NOS1: variants seen among roughly 807,000 people sequenced by gnomAD.
NOS1 encodes NOS type I.
Under a neutral mutation model 164.5 loss-of-function variants are expected in NOS1, and 51 were observed. That is an observed-to-expected ratio of 0.31 (90% confidence interval 0.25 to 0.39). The LOEUF (loss-of-function observed/expected upper bound fraction) is 0.39, where lower values mean the gene tolerates loss of function less well. Ranked by LOEUF, NOS1 falls within the 10% of genes least tolerant of loss-of-function variation. The pLI is 1.00. For missense variants in NOS1, 1,362 were observed against 1,885.6 expected (o/e 0.72, Z 5.14); for synonymous variants, 719 against 745.8 (o/e 0.96, Z 0.59).
chr12:117,336,109 C>T (rs1227468760), intron 1 of NOS1, among the ~76,000 whole-genome samples: 1 of 152,172 alleles, frequency 6.6e-6, no homozygotes, highest in African/African-American at 2.4e-5. Flanking sequence ...AGTGGTCAAT[C>T]ACAGTCCTGA....
intron 25 of NOS1, 92 bp downstream of exon 25, chr12:117,224,924 A>T (rs917218703): frequency 6.5e-7 from 1 of 1,536,800 alleles, no homozygotes; most frequent in Non-Finnish European, 9.0e-7. Context: ...CCGTGGAGAG[A>T]CACCTTCACT....
At chr12:117,326,349 G>A (rs1027153779) in intron 2 of NOS1, among the ~76,000 whole-genome samples, 10 of 148,418 alleles carry the variant, frequency 6.7e-5, no homozygotes, top group Non-Finnish European at 1.3e-4. Context: ...TCATACCACT[G>A]CACTCCAGCA....
Position 117,234,646 on chromosome 12 carries a change from G to A in NOS1, c.3154C>T (p.Leu1052=). 1 of 1,614,190 alleles carries A rather than the reference G, an allele frequency of 6.2e-7. No individual in the cohort carries two copies. Among genetic ancestry groups the A allele is most frequent in the Non-Finnish European group, 8.5e-7 (1 of 1,180,028 alleles). The stretch of plus-strand genomic sequence containing the variant: ...GGCGCGTCCTCCAGCCGCTCGATCA[G>A]GGCATTCACGAGGTCCTCGTGGTTG... ...PGNHEDLVNA[L]IERLEDAPPV... Residue 1052 remains leucine (L), a synonymous_variant, in exon 21 of 29, where the codon CTG becomes TTG. Coordinates refer to ENST00000317775, the MANE Select transcript of NOS1 (RefSeq NM_000620.5). The surrounding 1 kb of genome is among the most constrained non-coding windows in gnomAD (Gnocchi z 4.3).
At chr12:117,332,323 G>T (rs539884326) in intron 1 of NOS1, among the ~76,000 whole-genome samples, 1 of 152,290 alleles carries the variant, frequency 6.6e-6, no homozygotes, top group Non-Finnish European at 1.5e-5. Flanking sequence ...AAGAGGAAAG[G>T]GAAGCTTGGG....
chr12:117,360,934 G>A (rs1877113219), intron 1 of NOS1, among the ~76,000 whole-genome samples: 1 of 152,120 alleles, frequency 6.6e-6, no homozygotes, highest in East Asian at 1.9e-4. Flanking sequence ...TGCAAAGTTG[G>A]AGCCTGGGCG....
Position 117,244,766 on chromosome 12 carries a change from GA to G in NOS1, c.2824-1332del, listed in dbSNP as rs1870488393. On this transcript the variant is annotated intron_variant, in intron 18 of 28. Coordinates refer to ENST00000317775, the MANE Select transcript of NOS1 (RefSeq NM_000620.5). ...ACATGCTATGACACGGATGAACCTT[GA>G]AAACATTATACTAAGTGAAAGAAGT... Among the ~76,000 whole-genome samples, 3 of 152,164 alleles carry G rather than the reference GA, an allele frequency of 2.0e-5. No homozygotes were observed. In the South Asian group the frequency reaches 6.2e-4, roughly 32 times the overall value.
chr12:117,263,916 C>G lies in NOS1; in HGVS notation c.2195G>C (p.Arg732Pro). 1 of 1,613,918 alleles carries G rather than the reference C, an allele frequency of 6.2e-7. No individual in the cohort carries two copies. ...TGCTAGCTTCTTGAAGCCAATGGCT[C>G]GCCGCTTTGTGGGGGTCCCGTTGGT... The part of the protein sequence containing the change: ...KGTNGTPTKR[R>P]AIGFKKLAEA... The change falls in exon 13 of 29, where the codon CGA becomes CCA. Residue 732 changes from arginine to proline, a missense_variant. Physicochemically the swap from Arg to Pro is moderately radical, Grantham distance 103. This residue lies in a region of NOS1 where 737 missense variants were observed against 1,030.3 expected (regional missense o/e 0.72). Coordinates refer to ENST00000317775, the MANE Select transcript of NOS1 (RefSeq NM_000620.5).
chr12:117,264,154 G>GT (rs1486794848), intron 12 of NOS1, among the ~76,000 whole-genome samples, 180 bp from the exon 13 acceptor site: 3 of 151,484 alleles, frequency 2.0e-5, no homozygotes, highest in Non-Finnish European at 4.4e-5. Flanking sequence ...GGAGGGGGGG[G>GT]GTCCTTGCCC....
intron 1 of NOS1, among the ~76,000 whole-genome samples, chr12:117,349,949 T>C (rs563951847): frequency 6.6e-6 from 1 of 152,186 alleles, no homozygotes; most frequent in South Asian, 2.1e-4. Context: ...GGTCTTGAAC[T>C]CCTGAGCTCA....
intron 1 of NOS1, among the ~76,000 whole-genome samples, chr12:117,355,162 T>G (rs1360448359): frequency 1.3e-5 from 2 of 152,084 alleles, no homozygotes; most frequent in African/African-American, 4.8e-5. Flanking sequence ...CCAAAGCATC[T>G]TGGATGGTCA....
chr12:117,301,645 T>G (rs12810591), intron 3 of NOS1, among the ~76,000 whole-genome samples: 11 of 152,072 alleles, frequency 7.2e-5, no homozygotes, highest in African/African-American at 2.2e-4. Context: ...CTCTTTCCAC[T>G]CAAGGCCCTC....
rs11068436 is a variant in NOS1 at position 117,295,482 on chromosome 12, G to A, written c.853-5056C>T. Reference sequence around the variant, plus strand: ...AGTCCAAGGCCATGTGGCCCACAAAGCCAAAAATATTTATCTTGTCCTTTA... The same window carrying A: ...AGTCCAAGGCCATGTGGCCCACAAAACCAAAAATATTTATCTTGTCCTTTA... On this transcript the variant is annotated intron_variant, in intron 3 of 28. Transcript: ENST00000317775. 4.0e-3 allele frequency among the ~76,000 whole-genome samples: 606 copies of A among 152,212 alleles called. 3 individuals are homozygous for A. Among genetic ancestry groups the A allele is most frequent in the African/African-American group, 0.014 (568 of 41,536 alleles).
chr12:117,320,810 T>C (rs761212012), intron 2 of NOS1, among the ~76,000 whole-genome samples: 35 of 152,194 alleles, frequency 2.3e-4, no homozygotes, highest in Non-Finnish European at 4.9e-4. Context: ...TTGCTCCTGC[T>C]GTGTCTTCTG....
chr12:117,256,594 G>A (rs537218732), intron 16 of NOS1, among the ~76,000 whole-genome samples: 14 of 151,830 alleles, frequency 9.2e-5, no homozygotes, highest in African/African-American at 3.4e-4. Flanking sequence ...GGGATTTTCT[G>A]CTTAACACAG....
Position 117,242,628 on chromosome 12 carries a change from T to C in NOS1, c.3040A>G (p.Ser1014Gly). Residue 1014 changes from serine (S) to glycine (G), a missense_variant and splice_region_variant, in exon 20 of 29, where the codon AGT becomes GGT. Ser to Gly is a moderately conservative substitution (Grantham distance 56, BLOSUM62 0). Around this residue, in one of 4 missense-constraint regions of NOS1, gnomAD observed 737 missense variants for 1,030.3 expected, o/e 0.72. Coordinates refer to ENST00000317775, the MANE Select transcript of NOS1 (RefSeq NM_000620.5). ...CCCAGTGAACCAAGATGTTCCTACC[T>C]GGATTTAGGGCTCTGGAGGTTTTGA... ...SRQNLQSPKS[S>G]RSTIFVRLHT... 1 of 1,613,950 alleles carries C rather than the reference T, an allele frequency of 6.2e-7. No homozygotes were observed. Among genetic ancestry groups the C allele is most frequent in the Non-Finnish European group, 8.5e-7 (1 of 1,179,796 alleles).
intron 2 of NOS1, among the ~76,000 whole-genome samples, chr12:117,323,759 C>T (rs922135327): frequency 6.6e-6 from 1 of 152,040 alleles, no homozygotes; most frequent in African/African-American, 2.4e-5. Context: ...ATTCTCTTGC[C>T]TAGTGTCCCT....
At chr12:117,349,804 G>T (rs1391093901) in intron 1 of NOS1, among the ~76,000 whole-genome samples, 1 of 152,196 alleles carries the variant, frequency 6.6e-6, no homozygotes. Context: ...GCTAACTGCA[G>T]TCTCGAACTC....
intron 3 of NOS1, among the ~76,000 whole-genome samples, chr12:117,299,821 G>A (rs1312165423): frequency 6.6e-6 from 1 of 151,968 alleles, no homozygotes; most frequent in Non-Finnish European, 1.5e-5. Flanking sequence ...GGGGCATCAA[G>A]GCTGAACTTT....
intron 3 of NOS1, among the ~76,000 whole-genome samples, chr12:117,306,783 C>G (rs1874171267): frequency 6.6e-6 from 1 of 152,124 alleles, no homozygotes; most frequent in African/African-American, 2.4e-5. Flanking sequence ...TCATGCCCGG[C>G]TAATTTTTGT....
Sources: gnomAD v4.1 joint callset for allele counts (sites outside exome capture counted in the v4.1 genomes callset) on GRCh38, gnomAD v4.1.1 for gene constraint, gnomAD v4.1.1 regional missense constraint, Gnocchi (gnomAD v3.1) non-coding constraint, MANE v1.5 for transcripts, NCBI Gene and HGNC (gene_info 2026-07-23, HGNC 2026-07-21) for gene names.